OPTC: variants seen among roughly 807,000 people sequenced by gnomAD.
The protein encoded by OPTC is opticin.
A neutral mutation model predicts 25.4 loss-of-function variants in OPTC; 22 were observed. The observed-to-expected ratio is 0.87, with a 90% CI of 0.62 to 1.24. The LOEUF (loss-of-function observed/expected upper bound fraction) is 1.24, where lower values mean the gene tolerates loss of function less well. Among genes scored for constraint, OPTC ranks in the 50% most tolerant of loss-of-function variants. The probability of loss-of-function intolerance (pLI) is 0.00; values close to 1 mark genes in which losing one functional copy is unlikely to be tolerated. For missense variants in OPTC, 417 were observed against 425.2 expected (o/e 0.98, Z 0.17); for synonymous variants, 169 against 179.3 (o/e 0.94, Z 0.46).
chr1:203,507,101 G>C (rs188768395), intron 7 of OPTC, among the ~76,000 whole-genome samples: 7 of 152,374 alleles, frequency 4.6e-5, no homozygotes, highest in Non-Finnish European at 8.8e-5. Context: ...AGGAGGAAGA[G>C]AGAGATGGGG....
intron 1 of OPTC, among the ~76,000 whole-genome samples, chr1:203,494,547 G>A (rs1661248074): frequency 6.6e-6 from 1 of 152,136 alleles, no homozygotes; most frequent in Non-Finnish European, 1.5e-5. Context: ...TACTTGGGAG[G>A]CTGAGGCAGG....
chr1:203,497,111 C>A lies in OPTC; in HGVS notation c.366C>A (p.Asn122Lys), dbSNP rs1219907527. The part of the protein sequence containing the change: ...TAGLLLSSQP[N>K]HGLPTCLVCV... ...GGCTGCTACTGAGTTCCCAGCCCAA[C>A]CATGGTAAGTGCACAGTCACATGGT... is the stretch of plus-strand genomic sequence containing the variant. Residue 122 changes from asparagine (N) to lysine (K), a missense_variant, in exon 3 of 8, where the codon AAC becomes AAA. Physicochemically the swap from Asn to Lys is moderately conservative, Grantham distance 94. Transcript: ENST00000367222. 1.2e-6 allele frequency: 2 copies of A among 1,614,008 alleles called. No individual in the cohort carries two copies. The highest frequency in any genetic ancestry group is 1.3e-5 in the African/African-American group (1 of 74,990).
chr1:203,505,281 C>G (rs17576674), intron 7 of OPTC, among the ~76,000 whole-genome samples: 32,380 of 152,142 alleles, frequency 0.21, 3,685 homozygotes, highest in Non-Finnish European at 0.27. Flanking sequence ...CCATGCTATT[C>G]AACTCATAAA....
chr1:203,508,312 G>A (rs755775834), intron 7 of OPTC, among the ~76,000 whole-genome samples: 6 of 152,212 alleles, frequency 3.9e-5, no homozygotes, highest in Non-Finnish European at 7.4e-5. Flanking sequence ...AAGGGGGGCT[G>A]CCTATGGAGC....
At chr1:203,496,298 C>G in intron 2 of OPTC, 62 bp downstream of exon 2, 1 of 1,251,828 alleles carries the variant, frequency 8.0e-7, no homozygotes, top group Non-Finnish European at 1.2e-6. Flanking sequence ...AGGCCAGGGC[C>G]CTCCCATCTG....
chr1:203,495,619 T>G (rs1661264622), intron 1 of OPTC, among the ~76,000 whole-genome samples: 2 of 152,232 alleles, frequency 1.3e-5, no homozygotes, highest in African/African-American at 4.8e-5. Context: ...TGGGGTTGTT[T>G]AAGAGAGGAC....
chr1:203,499,707 C>T lies in OPTC; in HGVS notation c.588C>T (p.Ala196=). 2 of 1,613,582 alleles carry T rather than the reference C, an allele frequency of 1.2e-6. No individual in the cohort carries two copies. The highest frequency in any genetic ancestry group is 2.2e-5 in the South Asian group (2 of 91,080). The part of the protein sequence containing the change: ...NNLISSIDND[A]FRLLHALQDL... ...TCATTTCCTCCATCGATAATGATGC[C>T]TTCCGCCTGCTACATGCCCTCCAGG... The change falls in exon 5 of 8, where the codon GCC becomes GCT. Residue 196 remains alanine (A), a synonymous_variant. Transcript: ENST00000367222.
rs1661242917 is a variant in OPTC at position 203,494,216 on chromosome 1, G to A, written c.-43G>A. The A allele has an allele frequency of 6.6e-6, 1 of 152,194 alleles. No individual in the cohort carries two copies. Among genetic ancestry groups the A allele is most frequent in the South Asian group, 2.1e-4 (1 of 4,826 alleles). 9.4% of individuals were successfully genotyped at this position (152,194 alleles called of 1,614,324 possible). On this transcript the variant is annotated splice_region_variant and 5_prime_UTR_variant, in exon 1 of 8. Coordinates refer to ENST00000367222, the MANE Select transcript of OPTC (RefSeq NM_014359.4). ...CATCCAGGATCCAGAAGCATTGAAG[G>A]GGTAAGGCTCAAGGTTGAGGCCTCT...
rs538952357 is a variant in OPTC, at chr1:203,504,151, C to T, written c.*25+406C>T. On this transcript the variant is annotated intron_variant, in intron 7 of 7. Coordinates refer to ENST00000367222, the MANE Select transcript of OPTC (RefSeq NM_014359.4). ...GCCAGCTCTTACTACTTGCAGGAAC[C>T]GATTACTAAATTTTCCAGAATTTTG... 2.0e-5 allele frequency among the ~76,000 whole-genome samples: 3 copies of T among 152,192 alleles called. 1 individual carries two copies. Among genetic ancestry groups the T allele is most frequent in the East Asian group, 1.9e-4 (1 of 5,192 alleles).
At chr1:203,497,389 A>G (rs1445332779) in intron 3 of OPTC, among the ~76,000 whole-genome samples, 2 of 152,226 alleles carry the variant, frequency 1.3e-5, no homozygotes, top group African/African-American at 4.8e-5. Context: ...GCCCTAGCAA[A>G]GCCACCCTGC....
intron 4 of OPTC, among the ~76,000 whole-genome samples, chr1:203,499,260 G>A (rs776396210): frequency 2.0e-5 from 3 of 152,046 alleles, no homozygotes; most frequent in Non-Finnish European, 2.9e-5. Flanking sequence ...GGAGACCTGG[G>A]TTCTGATCCA....
Sources: gnomAD v4.1 joint callset for allele counts (sites outside exome capture counted in the v4.1 genomes callset) on GRCh38, gnomAD v4.1.1 for gene constraint, MANE v1.5 for transcripts, NCBI Gene and HGNC (gene_info 2026-07-23, HGNC 2026-07-21) for gene names.